The following COL8A1 variants were observed in gnomAD, a reference collection of about 807,000 sequenced individuals.
COL8A1 encodes collagen alpha-1(VIII) chain.
Under a neutral mutation model 42.7 loss-of-function variants are expected in COL8A1, and 21 were observed. The observed-to-expected ratio is 0.49, with a 90% CI of 0.35 to 0.71. The LOEUF (loss-of-function observed/expected upper bound fraction) is 0.71. Among genes scored for constraint, COL8A1 ranks in the 30% least tolerant of loss-of-function variants. The pLI is 0.01. For missense variants in COL8A1, 788 were observed against 962.4 expected (o/e 0.82, Z 2.40); for synonymous variants, 367 against 369.1 (o/e 0.99, Z 0.06).
chr3:99,672,404 T>C (rs988669548), intron 1 of COL8A1, among the ~76,000 whole-genome samples: 1 of 152,010 alleles, frequency 6.6e-6, no homozygotes, highest in African/African-American at 2.4e-5. Context: ...TCCATCTTTT[T>C]ATCTCATTGG....
intron 2 of COL8A1, among the ~76,000 whole-genome samples, chr3:99,781,500 A>G (rs1460394058): frequency 6.6e-6 from 1 of 152,184 alleles, no homozygotes; most frequent in Non-Finnish European, 1.5e-5. Flanking sequence ...CAACAATTGG[A>G]TCCCCAAGAA....
Position 99,794,507 on chromosome 3 carries a change from T to G in COL8A1, c.606T>G (p.His202Gln). 6.2e-7 allele frequency: 1 copy of G among 1,613,892 alleles called. No individual in the cohort carries two copies. Among genetic ancestry groups the G allele is most frequent in the Non-Finnish European group, 8.5e-7 (1 of 1,179,916 alleles). The change falls in exon 4 of 4, where the codon CAT (histidine) becomes CAG (glutamine). Residue 202 changes from histidine to glutamine, a missense_variant. Around this residue, in one of 4 missense-constraint regions of COL8A1, gnomAD observed 421 missense variants for 553.1 expected, o/e 0.76. Coordinates refer to ENST00000652472, the MANE Select transcript of COL8A1 (RefSeq NM_020351.4). The surrounding 1 kb of genome is among the most constrained non-coding windows in gnomAD (Gnocchi z 4.3). ...IPGPQGPPGPHGLPGIGKPGG... is the reference protein window; with the variant it reads ...IPGPQGPPGPQGLPGIGKPGG... ...GACCACAAGGACCTCCAGGGCCTCA[T>G]GGACTTCCTGGCATTGGGAAGCCAG...
rs77015412 is a variant in COL8A1 at position 99,695,319 on chromosome 3, G to C, written c.-128-49578G>C. 4.3e-4 allele frequency among the ~76,000 whole-genome samples: 66 copies of C among 152,268 alleles called. 2 individuals are homozygous for C. In the East Asian group the frequency reaches 0.013, roughly 29 times the overall value. On this transcript the variant is annotated intron_variant, in intron 1 of 3. Transcript: ENST00000652472. ...GGTTAGAAGAAAATGGTAAATTTAA[G>C]AGAAAAGCATAAATGATTTTTAAAC...
intron 1 of COL8A1, chr3:99,675,588 G>A (rs1295778559): frequency 6.6e-6 from 1 of 152,404 alleles, no homozygotes; most frequent in Non-Finnish European, 1.5e-5. Context: ...AAGTTAAAAT[G>A]TCTGACACCA....
At chr3:99,786,922 C>T (rs1941907412) in intron 2 of COL8A1, among the ~76,000 whole-genome samples, 1 of 152,072 alleles carries the variant, frequency 6.6e-6, no homozygotes, top group Non-Finnish European at 1.5e-5. Context: ...TTTAGGGTGG[C>T]AAATCTGAGG....
At chr3:99,787,886 A>ACC (rs1476284727) in intron 2 of COL8A1, among the ~76,000 whole-genome samples, 5 of 150,812 alleles carry the variant, frequency 3.3e-5, no homozygotes, top group Non-Finnish European at 5.9e-5. Flanking sequence ...CCACACCCAC[A>ACC]CACACACACA....
At chr3:99,726,091 T>C (rs1298969705) in intron 1 of COL8A1, among the ~76,000 whole-genome samples, 1 of 152,204 alleles carries the variant, frequency 6.6e-6, no homozygotes, top group Non-Finnish European at 1.5e-5. Context: ...TTTCTGACTT[T>C]TTAATGATTG....
intron 1 of COL8A1, among the ~76,000 whole-genome samples, chr3:99,681,870 T>C (rs1166453547): frequency 2.0e-5 from 3 of 152,198 alleles, no homozygotes; most frequent in Non-Finnish European, 4.4e-5. Context: ...GTGTTACCAC[T>C]ATTCTCATTT....
At chr3:99,660,251 C>T (rs539142832) in intron 1 of COL8A1, among the ~76,000 whole-genome samples, 164 of 152,196 alleles carry the variant, frequency 1.1e-3, no homozygotes, top group African/African-American at 3.9e-3. Context: ...GTAGGGACCT[C>T]ATATGCCTTT....
chr3:99,763,991 C>A (rs1220987373), intron 2 of COL8A1, among the ~76,000 whole-genome samples: 2 of 152,172 alleles, frequency 1.3e-5, no homozygotes, highest in Non-Finnish European at 2.9e-5. Context: ...GCATTTGACT[C>A]CAGTAGTTGG....
chr3:99,691,270 C>T (rs998618946), intron 1 of COL8A1: 1 of 152,152 alleles, frequency 6.6e-6, no homozygotes, highest in Non-Finnish European at 1.5e-5. Context: ...CTTTTAGCAG[C>T]AGAAGCCATA....
intron 1 of COL8A1, among the ~76,000 whole-genome samples, chr3:99,649,363 C>G (rs1385660297): frequency 1.3e-5 from 2 of 151,756 alleles, no homozygotes; most frequent in Non-Finnish European, 2.9e-5. Flanking sequence ...ATAATAAGGG[C>G]TTAATAAATG....
chr3:99,723,879 T>C (rs1427616951), intron 1 of COL8A1, among the ~76,000 whole-genome samples: 1 of 152,142 alleles, frequency 6.6e-6, no homozygotes, highest in East Asian at 1.9e-4. Flanking sequence ...TGCAGAATTA[T>C]TTCTTCTCAT....
At chr3:99,679,087 T>C (rs1326541736) in intron 1 of COL8A1, 1 of 152,224 alleles carries the variant, frequency 6.6e-6, no homozygotes, top group Admixed American at 6.5e-5. Context: ...GTGCATTATT[T>C]CACTAAAGCT....
chr3:99,759,208 T>A (rs1941318672), intron 2 of COL8A1, among the ~76,000 whole-genome samples: 1 of 151,764 alleles, frequency 6.6e-6, no homozygotes, highest in Non-Finnish European at 1.5e-5. Context: ...AACAGGAATC[T>A]CACCAATCTT....
chr3:99,734,709 G>T (rs1410539897), intron 1 of COL8A1, among the ~76,000 whole-genome samples: 1 of 151,780 alleles, frequency 6.6e-6, no homozygotes, highest in Non-Finnish European at 1.5e-5. Context: ...AGCTTGATGG[G>T]GATGGCATTG....
At chr3:99,674,313 G>C in intron 1 of COL8A1, among the ~76,000 whole-genome samples, 1 of 151,818 alleles carries the variant, frequency 6.6e-6, no homozygotes, top group Non-Finnish European at 1.5e-5. Flanking sequence ...AACATGCCTG[G>C]CAAGGAATGC....
At chr3:99,702,015 A>C (rs1016205030) in intron 1 of COL8A1, among the ~76,000 whole-genome samples, 2 of 152,208 alleles carry the variant, frequency 1.3e-5, no homozygotes, top group Non-Finnish European at 2.9e-5. Flanking sequence ...GCCACTAACT[A>C]TGCATGAACC....
chr3:99,648,153 C>T (rs1937712112), intron 1 of COL8A1, among the ~76,000 whole-genome samples: 1 of 152,086 alleles, frequency 6.6e-6, no homozygotes, highest in African/African-American at 2.4e-5. Flanking sequence ...TGTTATTATT[C>T]CCAATTTAAC....
Sources: allele counts gnomAD v4.1 joint callset (sites outside exome capture counted in the v4.1 genomes callset), GRCh38; gene constraint gnomAD v4.1.1; regional missense constraint gnomAD v4.1.1; non-coding constraint Gnocchi (gnomAD v3.1); transcripts MANE v1.5; gene names NCBI Gene and HGNC (gene_info 2026-07-23, HGNC 2026-07-21).